Variants in PTPRM observed in about 807,000 individuals in gnomAD.
PTPRM encodes protein tyrosine phosphatase receptor type M.
A neutral mutation model predicts 186.7 loss-of-function variants in PTPRM; 47 were observed. The ratio of observed to expected loss-of-function variants is 0.25; its 90% CI spans 0.20 to 0.32. The LOEUF is 0.32. Ranked by LOEUF, PTPRM falls within the 10% of genes least tolerant of loss-of-function variation. The probability of loss-of-function intolerance (pLI) is 1.00; values close to 1 mark genes in which losing one functional copy is unlikely to be tolerated. For missense variants in PTPRM, 1,494 were observed against 1,865.0 expected (o/e 0.80, Z 3.66); for synonymous variants, 668 against 674.9 (o/e 0.99, Z 0.16).
chr18:8,337,002 G>A (rs2095443596), intron 22 of PTPRM, among the ~76,000 whole-genome samples: 1 of 151,678 alleles, frequency 6.6e-6, no homozygotes, highest in Non-Finnish European at 1.5e-5. Flanking sequence ...ATTTTAAAAA[G>A]AAAGAAAAGA....
At chr18:7,813,032 T>G (rs1046913819) in intron 2 of PTPRM, among the ~76,000 whole-genome samples, 1 of 152,256 alleles carries the variant, frequency 6.6e-6, no homozygotes, top group Non-Finnish European at 1.5e-5. Flanking sequence ...TGAGACATCA[T>G]GCTGACGAAT....
intron 1 of PTPRM, among the ~76,000 whole-genome samples, chr18:7,652,879 T>C (rs1050534127): frequency 1.3e-5 from 2 of 151,966 alleles, no homozygotes; most frequent in Non-Finnish European, 2.9e-5. Context: ...ATTGTGCACA[T>C]GTACCCTAAA....
At chr18:8,339,543 A>G (rs538085063) in intron 22 of PTPRM, among the ~76,000 whole-genome samples, 2 of 152,170 alleles carry the variant, frequency 1.3e-5, no homozygotes, top group South Asian at 2.1e-4. Context: ...GCTCTGAAAA[A>G]TCTTGGGAGT....
At chr18:8,112,292 T>A (rs2091789878) in intron 11 of PTPRM, among the ~76,000 whole-genome samples, 1 of 152,240 alleles carries the variant, frequency 6.6e-6, no homozygotes, top group South Asian at 2.1e-4. Flanking sequence ...TAGAAGGTGC[T>A]AAGTGGTTGT....
intron 1 of PTPRM, among the ~76,000 whole-genome samples, chr18:7,752,951 C>T (rs1409698877): frequency 1.3e-5 from 2 of 151,888 alleles, no homozygotes; most frequent in Non-Finnish European, 1.5e-5. Flanking sequence ...TGTCTAACCC[C>T]TCTTTAAAAT....
chr18:7,823,206 C>T (rs2045299967), intron 2 of PTPRM, among the ~76,000 whole-genome samples: 3 of 152,216 alleles, frequency 2.0e-5, no homozygotes, highest in East Asian at 1.9e-4. Flanking sequence ...CTTCCCTCCA[C>T]TCCCTGCAGA....
At chr18:8,311,632 A>C (rs1205192821) in intron 20 of PTPRM, among the ~76,000 whole-genome samples, 2 of 152,226 alleles carry the variant, frequency 1.3e-5, no homozygotes, top group Non-Finnish European at 2.9e-5. Flanking sequence ...CATGTATATA[A>C]AGGCAAAACC....
chr18:7,741,350 T>C (rs1288638981), intron 1 of PTPRM: 1 of 152,190 alleles, frequency 6.6e-6, no homozygotes, highest in African/African-American at 2.4e-5. Context: ...TGCGTTTTCA[T>C]TGAGGCCAGA....
chr18:7,978,685 T>A (rs948544443), intron 7 of PTPRM, among the ~76,000 whole-genome samples: 1 of 152,226 alleles, frequency 6.6e-6, no homozygotes, highest in African/African-American at 2.4e-5. Context: ...TCATAACTCT[T>A]ATTCTATACT....
chr18:8,166,804 A>G (rs1213120665), intron 14 of PTPRM, among the ~76,000 whole-genome samples: 1 of 152,198 alleles, frequency 6.6e-6, no homozygotes, highest in East Asian at 1.9e-4. Flanking sequence ...TCAGTAAGCA[A>G]CTGAACCAAG....
chr18:7,990,927 T>C (rs1348801342), intron 7 of PTPRM, among the ~76,000 whole-genome samples: 1 of 152,172 alleles, frequency 6.6e-6, no homozygotes, highest in Non-Finnish European at 1.5e-5. Flanking sequence ...ACATGAATGA[T>C]TGCTATAGCT....
chr18:7,796,824 A>C (rs556108249), intron 2 of PTPRM, among the ~76,000 whole-genome samples: 1 of 152,212 alleles, frequency 6.6e-6, no homozygotes, highest in African/African-American at 2.4e-5. Flanking sequence ...CCAGTGGTGC[A>C]CTGAGCCTGA....
At chr18:7,801,441 T>C (rs1366200291) in intron 2 of PTPRM, among the ~76,000 whole-genome samples, 1 of 152,162 alleles carries the variant, frequency 6.6e-6, no homozygotes. Context: ...TCAGAGGCAG[T>C]AACATGCATA....
At chr18:7,657,189 G>T (rs1034626683) in intron 1 of PTPRM, among the ~76,000 whole-genome samples, 4 of 152,170 alleles carry the variant, frequency 2.6e-5, no homozygotes, top group Non-Finnish European at 4.4e-5. Context: ...CAAATTGTTG[G>T]CAGGGTTTGA....
chr18:8,291,676 A>C (rs1010933818), intron 19 of PTPRM, among the ~76,000 whole-genome samples: 4 of 152,212 alleles, frequency 2.6e-5, no homozygotes, highest in Non-Finnish European at 4.4e-5. Flanking sequence ...ATCTTACAAA[A>C]TGTGCACTGA....
At chr18:8,183,522 CT>C (rs1446651107) in intron 14 of PTPRM, among the ~76,000 whole-genome samples, 2 of 152,300 alleles carry the variant, frequency 1.3e-5, no homozygotes, top group African/African-American at 4.8e-5. Flanking sequence ...CTTTTTCCTC[CT>C]TTCTTTGCCC....
chr18:7,886,926 G>A (rs1472210442), intron 2 of PTPRM, among the ~76,000 whole-genome samples: 1 of 152,050 alleles, frequency 6.6e-6, no homozygotes, highest in Non-Finnish European at 1.5e-5. Flanking sequence ...TTGCTGTTTA[G>A]GCAATCACAG....
At chr18:7,964,036 A>G (rs2053854361) in intron 7 of PTPRM, among the ~76,000 whole-genome samples, 1 of 152,206 alleles carries the variant, frequency 6.6e-6, no homozygotes, top group South Asian at 2.1e-4. Context: ...TTATATATTT[A>G]GTAAGAAAAA....
intron 19 of PTPRM, among the ~76,000 whole-genome samples, chr18:8,257,105 G>A (rs1160314580): frequency 2.0e-5 from 3 of 152,222 alleles, no homozygotes; most frequent in African/African-American, 7.2e-5. Flanking sequence ...TAAGAGAGAT[G>A]CGCAGGCATA....
Sources: gnomAD v4.1 joint callset for allele counts (sites outside exome capture counted in the v4.1 genomes callset) on GRCh38, gnomAD v4.1.1 for gene constraint, MANE v1.5 for transcripts, NCBI Gene and HGNC (gene_info 2026-07-23, HGNC 2026-07-21) for gene names.